NXPE2: variants seen among roughly 807,000 people sequenced by gnomAD.
The protein encoded by NXPE2 is NXPE family member 2.
In NXPE2, 34 loss-of-function variants were observed where a neutral mutation model predicts 34.4. The observed-to-expected ratio is 0.99, with a 90% confidence interval of 0.75 to 1.31. NXPE2 has a LOEUF of 1.31. NXPE2 is among the 40% of genes most tolerant of loss of function. NXPE2 has a pLI of 0.00. For synonymous variants in NXPE2, 235 were observed against 231.3 expected, an observed-to-expected ratio of 1.02 and a Z score of -0.15; for missense variants, 649 against 672.5, an observed-to-expected ratio of 0.97 and a Z score of 0.39.
At chr11:114,650,673 C>G in the NXPE2 span, among the ~76,000 whole-genome samples, 1 of 152,114 alleles carries the variant, frequency 6.6e-6, no homozygotes, top group Non-Finnish European at 1.5e-5. Context: ...ATGCTGATAT[C>G]AAGCAGAAAT....
At chr11:114,492,170 T>G in the NXPE2 span, among the ~76,000 whole-genome samples, 1 of 151,804 alleles carries the variant, frequency 6.6e-6, no homozygotes, top group Non-Finnish European at 1.5e-5. Flanking sequence ...AATAATAAAA[T>G]AAATAAAATA....
the NXPE2 span, among the ~76,000 whole-genome samples, chr11:114,646,285 A>AT: frequency 2.6e-5 from 4 of 151,580 alleles, no homozygotes; most frequent in African/African-American, 7.3e-5. Flanking sequence ...TTTTTCAAGA[A>AT]TTTTTTTCAT....
the NXPE2 span, among the ~76,000 whole-genome samples, chr11:114,813,228 T>C: frequency 1.3e-5 from 2 of 152,248 alleles, no homozygotes; most frequent in Admixed American, 6.5e-5. Context: ...TCCCAGGAGC[T>C]GCCATGAGAT....
chr11:114,648,913 C>T, the NXPE2 span, among the ~76,000 whole-genome samples: 1 of 151,312 alleles, frequency 6.6e-6, no homozygotes, highest in African/African-American at 2.4e-5. Flanking sequence ...GAAGTCAATA[C>T]ATCTTATGTT....
At chr11:114,624,527 G>A in the NXPE2 span, among the ~76,000 whole-genome samples, 38 of 151,844 alleles carry the variant, frequency 2.5e-4, no homozygotes, top group East Asian at 2.3e-3. Context: ...TTATTGCCTC[G>A]TGGGTAACCA....
At chr11:114,682,405 G>A (rs1368114609) in intron 2 of NXPE2, among the ~76,000 whole-genome samples, 2 of 152,104 alleles carry the variant, frequency 1.3e-5, no homozygotes, top group Non-Finnish European at 2.9e-5. Flanking sequence ...TGGGCCTTGA[G>A]GAGTTGAATG....
At chr11:114,495,558 CCTT>C in the NXPE2 span, among the ~76,000 whole-genome samples, 2 of 151,786 alleles carry the variant, frequency 1.3e-5, no homozygotes, top group Non-Finnish European at 2.9e-5. Flanking sequence ...CTTTACTCTT[CCTT>C]CTTTCCTCAA....
the NXPE2 span, chr11:114,580,130 A>G: frequency 3.7e-6 from 6 of 1,610,776 alleles, no homozygotes; most frequent in Non-Finnish European, 5.1e-6. Flanking sequence ...ACTGAGGCAT[A>G]CTGTTGATAC....
the NXPE2 span, among the ~76,000 whole-genome samples, chr11:114,549,246 CA>C: frequency 6.6e-6 from 1 of 151,880 alleles, no homozygotes; most frequent in Non-Finnish European, 1.5e-5. Flanking sequence ...CAAATAAAAA[CA>C]AAAAGCTTCC....
the NXPE2 span, among the ~76,000 whole-genome samples, chr11:114,575,630 G>A: frequency 6.6e-6 from 1 of 151,322 alleles, no homozygotes. Context: ...AAAACCTTAA[G>A]AATACCTAGC....
chr11:114,691,382 C>T (rs988588467), intron 2 of NXPE2, among the ~76,000 whole-genome samples: 30 of 151,628 alleles, frequency 2.0e-4, no homozygotes, highest in African/African-American at 5.8e-4. Flanking sequence ...AGATAGGTTG[C>T]GGTGGCTTTC....
the NXPE2 span, among the ~76,000 whole-genome samples, chr11:114,632,248 G>C: frequency 1.5e-5 from 2 of 137,138 alleles, no homozygotes; most frequent in Non-Finnish European, 3.1e-5. Context: ...ATGTATATGT[G>C]TATATATGTA....
chr11:114,808,678 G>A, the NXPE2 span, among the ~76,000 whole-genome samples: 14 of 151,152 alleles, frequency 9.3e-5, no homozygotes, highest in East Asian at 7.8e-4. Flanking sequence ...CCAATAACAG[G>A]CTCTGAAATT....
At chr11:114,514,180 C>A in the NXPE2 span, among the ~76,000 whole-genome samples, 1 of 152,082 alleles carries the variant, frequency 6.6e-6, no homozygotes, top group Non-Finnish European at 1.5e-5. Flanking sequence ...ACATACTGAA[C>A]TCTCTCAGTC....
chr11:114,626,214 C>G, the NXPE2 span, among the ~76,000 whole-genome samples: 1 of 152,216 alleles, frequency 6.6e-6, no homozygotes, highest in Non-Finnish European at 1.5e-5. Context: ...GGCTCCACCT[C>G]TGGGGGCAGG....
chr11:114,718,660 AG>A, the NXPE2 span, among the ~76,000 whole-genome samples: 1 of 152,196 alleles, frequency 6.6e-6, no homozygotes, highest in African/African-American at 2.4e-5. Flanking sequence ...AAGAAACTCC[AG>A]GGGGCTCCCA....
chr11:114,605,632 G>A, the NXPE2 span, among the ~76,000 whole-genome samples: 5 of 151,658 alleles, frequency 3.3e-5, no homozygotes, highest in Admixed American at 6.6e-5. Flanking sequence ...GTGTTGCCTC[G>A]TGGGTAACCA....
the NXPE2 span, among the ~76,000 whole-genome samples, chr11:114,799,310 A>AAAAAAAG: frequency 9.5e-6 from 1 of 105,624 alleles, no homozygotes; most frequent in East Asian, 3.1e-4. Context: ...AAAAAAAAAA[A>AAAAAAAG]AAAAATTGGT....
At chr11:114,612,807 TGGGA>T in the NXPE2 span, among the ~76,000 whole-genome samples, 1 of 151,336 alleles carries the variant, frequency 6.6e-6, no homozygotes, top group African/African-American at 2.4e-5. Flanking sequence ...TGTTGCCTCG[TGGGA>T]AAGCACTGTT....
Sources: allele counts gnomAD v4.1 joint callset (sites outside exome capture counted in the v4.1 genomes callset), GRCh38; gene constraint gnomAD v4.1.1; transcripts MANE v1.5; gene names NCBI Gene and HGNC (gene_info 2026-07-23, HGNC 2026-07-21).